PGBD1: variants seen among roughly 807,000 people sequenced by gnomAD.
The protein encoded by PGBD1 is piggyBac transposable element derived 1.
In PGBD1, 25 loss-of-function variants were observed where a neutral mutation model predicts 34.7. The observed-to-expected ratio is 0.72, with a 90% CI of 0.52 to 1.00. The LOEUF is 1.00. Among genes scored for constraint, PGBD1 ranks in the 50% least tolerant of loss-of-function variants. The pLI is 0.00. For missense variants in PGBD1, 830 were observed against 959.4 expected (o/e 0.87, Z 1.78); for synonymous variants, 292 against 335.7 (o/e 0.87, Z 1.42).
intron 3 of PGBD1, 105 bp from the exon 4 acceptor site, chr6:28,286,970 TCTTGA>T: frequency 1.3e-6 from 1 of 796,304 alleles, no homozygotes; most frequent in Non-Finnish European, 2.2e-6. Flanking sequence ...ACGTCTTAGT[TCTTGA>T]ATGTTTAACA....
intron 6 of PGBD1, 83 bp downstream of exon 6, chr6:28,298,074 G>A (rs1762715098): frequency 4.3e-6 from 4 of 935,112 alleles, no homozygotes; most frequent in Non-Finnish European, 6.8e-6. Context: ...TTGGTCAAAG[G>A]CCTGCTTCTC....
chr6:28,302,001 A>G lies in PGBD1; in HGVS notation c.2147A>G (p.Asp716Gly), dbSNP rs1209905206. The G allele has an allele frequency of 6.2e-7, 1 of 1,614,212 alleles. No homozygotes were observed. ...PVNEVSCCDADNEEIPQISQP... is the reference protein window; with the variant it reads ...PVNEVSCCDAGNEEIPQISQP... ...AATGAGGTAAGCTGTTGTGATGCTG[A>G]TAACGAAGAAATCCCTCAGATAAGT... The change falls in exon 7 of 7, where the codon GAT becomes GGT. Residue 716 changes from aspartate to glycine, a missense_variant. Transcript: ENST00000682144.
At chr6:28,289,796 A>G (rs1561887161) in intron 4 of PGBD1, among the ~76,000 whole-genome samples, 1 of 152,156 alleles carries the variant, frequency 6.6e-6, no homozygotes, top group Admixed American at 6.5e-5. Flanking sequence ...ACAAACAATA[A>G]TGGCTAGCAA....
chr6:28,300,948 T>C lies in PGBD1; in HGVS notation c.1094T>C (p.Val365Ala). 7 of 1,614,074 alleles carry C rather than the reference T, an allele frequency of 4.3e-6. No individual in the cohort carries two copies. Among genetic ancestry groups the C allele is most frequent in the Non-Finnish European group, 5.9e-6 (7 of 1,180,030 alleles). ...QGLSFSGDSDVEKDNEPEIQP... is the reference protein window; with the variant it reads ...QGLSFSGDSDAEKDNEPEIQP... ...CTCTCATTCTCTGGTGACTCAGATG[T>C]GGAAAAAGATAATGAGCCTGAGATC... The change falls in exon 7 of 7, where the codon GTG (valine) becomes GCG (alanine). Residue 365 changes from valine (V) to alanine (A), a missense_variant. Physicochemically the swap from Val to Ala is moderately conservative, Grantham distance 64. Transcript: ENST00000682144. The surrounding 1 kb of genome is among the most constrained non-coding windows in gnomAD (Gnocchi z 4.0).
intron 2 of PGBD1, among the ~76,000 whole-genome samples, chr6:28,284,981 GTGATTCAGGATACA>G (rs1456481325): frequency 1.3e-5 from 2 of 152,148 alleles, no homozygotes; most frequent in African/African-American, 2.4e-5. Flanking sequence ...TAATTTTCCT[GTGATTCAGGATACA>G]AGCCAGCATC....
intron 6 of PGBD1, among the ~76,000 whole-genome samples, chr6:28,299,124 T>G (rs76177544): frequency 6.6e-6 from 1 of 152,300 alleles, no homozygotes; most frequent in African/African-American, 2.4e-5. Context: ...GTTCAGTAAC[T>G]TAGAGCAGAG....
intron 2 of PGBD1, 127 bp from the exon 3 acceptor site, chr6:28,285,424 G>A: frequency 1.0e-6 from 1 of 989,932 alleles, no homozygotes; most frequent in South Asian, 2.1e-5. Context: ...GTTTTTCTGG[G>A]CTGGGATCCT....
At chr6:28,298,467 T>C (rs1208323507) in intron 6 of PGBD1, among the ~76,000 whole-genome samples, 1 of 152,118 alleles carries the variant, frequency 6.6e-6, no homozygotes, top group African/African-American at 2.4e-5. Context: ...TCAAAGGAAA[T>C]GCTCATTGGA....
Position 28,301,703 on chromosome 6 carries a change from A to C in PGBD1, c.1849A>C (p.Arg617=), listed in dbSNP as rs761668605. The change falls in exon 7 of 7, where the codon AGA becomes CGA. Residue 617 remains arginine, a synonymous_variant. Coordinates refer to ENST00000682144, the MANE Select transcript of PGBD1 (RefSeq NM_032507.4). ...VMNFADVLLE[R]GQYPYHLCFD... ...GAACTTCGCTGATGTTCTTTTAGAGAGAGGTCAGTATCCCTATCACCTGTG... is the reference window on the plus strand; with the variant it reads ...GAACTTCGCTGATGTTCTTTTAGAGCGAGGTCAGTATCCCTATCACCTGTG... 3.1e-6 allele frequency: 5 copies of C among 1,614,142 alleles called. No individual in the cohort carries two copies. The East Asian group carries it at 1.1e-4, about 36-fold the overall frequency.
At position 28,301,525 on chromosome 6, in the gene PGBD1, A is replaced by G. The variant is rs760994689; in HGVS notation, c.1671A>G (p.Gln557=). 5.0e-6 allele frequency: 8 copies of G among 1,614,178 alleles called. No homozygotes were observed. The highest frequency in any genetic ancestry group is 4.5e-5 in the East Asian group (2 of 44,878). Residue 557 remains glutamine (Q), a synonymous_variant, in exon 7 of 7, where the codon CAA becomes CAG. Coordinates refer to ENST00000682144, the MANE Select transcript of PGBD1 (RefSeq NM_032507.4). ...TGTGTGAATGCTTTGATAGTGACCA[A>G]TTCCTGAATGGAAAGCCTATTAGAA... ...KSMCECFDSD[Q]FLNGKPIRIG...
At chr6:28,285,818 C>T in intron 3 of PGBD1, 111 bp downstream of exon 3, 5 of 1,132,664 alleles carry the variant, frequency 4.4e-6, no homozygotes, top group Non-Finnish European at 4.9e-6. Context: ...CACAAGCTAA[C>T]TTACATATCT....
Position 28,301,047 on chromosome 6 carries a change from A to G in PGBD1, c.1193A>G (p.Asn398Ser), listed in dbSNP as rs33932084. Reference protein sequence around the residue: ...KSWTKRDIKPNFPSWSALDSG... With the variant: ...KSWTKRDIKPSFPSWSALDSG... ...TGGACCAAAAGAGACATTAAACCCA[A>G]TTTTCCAAGCTGGTCAGCACTGGAT... The change falls in exon 7 of 7, where the codon AAT becomes AGT. Residue 398 changes from asparagine (N) to serine (S), a missense_variant. This residue lies in a region of PGBD1 where 457 missense variants were observed against 515.4 expected (regional missense o/e 0.89). Transcript: ENST00000682144. 136,516 of 1,614,110 alleles carry G rather than the reference A, an allele frequency of 0.085. 7,298 individuals carry two copies. The highest frequency in any genetic ancestry group is 0.11 in the Non-Finnish European group (124,065 of 1,180,008).
chr6:28,281,603 C>T lies in PGBD1; in HGVS notation c.-354C>T. The T allele has an allele frequency of 5.2e-6, 2 of 383,352 alleles. No individual in the cohort carries two copies. Among genetic ancestry groups the T allele is most frequent in the Non-Finnish European group, 9.2e-6 (2 of 216,932 alleles). 23.7% of individuals were successfully genotyped at this position (383,352 alleles called of 1,614,324 possible). ...GCCCAGCTGCTGGAGGCGCCGGCAG[C>T]GCCCGCCAGACCCGCCAGCCCAGCG... On this transcript the variant is annotated 5_prime_UTR_variant, in exon 1 of 7. Transcript: ENST00000682144.
rs542116014 is a variant in PGBD1 at position 28,300,648 on chromosome 6, A to T, written c.870-76A>T. 20 of 1,395,380 alleles carry T rather than the reference A, an allele frequency of 1.4e-5. No homozygotes were observed. Among genetic ancestry groups the T allele is most frequent in the East Asian group, 2.3e-5 (1 of 42,758 alleles). The allele number at this position is 1,395,380 out of a possible 1,614,324, so 86.4% of individuals were successfully genotyped here. A position where few individuals can be genotyped will look rare whatever the true frequency, so the allele number is the denominator to read the frequency against. ...ACCCACCCCAAGCCCCAAAAGATTT[A>T]AGCTTCAGCAGATTTATCATGTGTG... On this transcript the variant is annotated intron_variant, in intron 6 of 6. Transcript: ENST00000682144. This position sits in a 1 kb window ranked among gnomAD's most constrained non-coding sequence, Gnocchi z 4.0.
Position 28,302,058 on chromosome 6 carries a change from G to T in PGBD1, c.2204G>T (p.Cys735Phe). The T allele has an allele frequency of 6.2e-7, 1 of 1,614,138 alleles. No homozygotes were observed. The highest frequency in any genetic ancestry group is 8.5e-7 in the Non-Finnish European group (1 of 1,180,020). The change falls in exon 7 of 7, where the codon TGC (cysteine) becomes TTC (phenylalanine). Residue 735 changes from cysteine to phenylalanine, a missense_variant. Physicochemically the swap from Cys to Phe is radical, Grantham distance 205. Transcript: ENST00000682144. ...QPSIVKVYDE[C>F]KEGVAKMDQI... Reference sequence around the variant, plus strand: ...TCCATAGTAAAAGTGTATGATGAATGCAAGGAAGGTGTAGCTAAAATGGAT... The same window carrying T: ...TCCATAGTAAAAGTGTATGATGAATTCAAGGAAGGTGTAGCTAAAATGGAT...
intron 2 of PGBD1, 136 bp downstream of exon 2, chr6:28,284,345 C>A: frequency 9.5e-7 from 1 of 1,053,564 alleles, no homozygotes; most frequent in Non-Finnish European, 1.3e-6. Context: ...TAAAACTCTT[C>A]ATCCAAATTT....
intron 4 of PGBD1, 80 bp downstream of exon 4, chr6:28,287,248 C>A: frequency 1.6e-6 from 2 of 1,245,312 alleles, no homozygotes; most frequent in Non-Finnish European, 2.4e-6. Flanking sequence ...CTTCTCTTGG[C>A]TCACACTCAT....
At position 28,301,024 on chromosome 6, in the gene PGBD1, G is replaced by C. The variant is rs143874020; in HGVS notation, c.1170G>C (p.Trp390Cys). The C allele has an allele frequency of 1.3e-5, 21 of 1,614,020 alleles. No individual in the cohort carries two copies. The highest frequency in any genetic ancestry group is 1.7e-5 in the Non-Finnish European group (20 of 1,180,044). ...LKVSCFPEKSWTKRDIKPNFP... is the reference protein window; with the variant it reads ...LKVSCFPEKSCTKRDIKPNFP... ...TATCATGTTTCCCAGAAAAGAGTTGGACCAAAAGAGACATTAAACCCAATT... is the reference window on the plus strand; with the variant it reads ...TATCATGTTTCCCAGAAAAGAGTTGCACCAAAAGAGACATTAAACCCAATT... Residue 390 changes from tryptophan (W) to cysteine (C), a missense_variant, in exon 7 of 7, where the codon TGG (tryptophan) becomes TGC (cysteine). Physicochemically the swap from Trp to Cys is radical, Grantham distance 215. Coordinates refer to ENST00000682144, the MANE Select transcript of PGBD1 (RefSeq NM_032507.4).
Position 28,302,266 on chromosome 6 carries a change from T to C in PGBD1, c.2412T>C (p.Asn804=). Residue 804 remains asparagine, a synonymous_variant, in exon 7 of 7, where the codon AAT becomes AAC. Coordinates refer to ENST00000682144, the MANE Select transcript of PGBD1 (RefSeq NM_032507.4). ...TTGCACATTTCTACTTGGAACACAATGCTCATCTGTCAGATTAGGGTACAT... is the reference window on the plus strand; with the variant it reads ...TTGCACATTTCTACTTGGAACACAACGCTCATCTGTCAGATTAGGGTACAT... ...RFVAHFYLEH[N]AHLSD is the part of the protein sequence containing the mutation. 1 of 1,612,524 alleles carries C rather than the reference T, an allele frequency of 6.2e-7. No individual in the cohort carries two copies. The highest frequency in any genetic ancestry group is 8.5e-7 in the Non-Finnish European group (1 of 1,178,692).
Sources: allele counts gnomAD v4.1 joint callset (sites outside exome capture counted in the v4.1 genomes callset), GRCh38; gene constraint gnomAD v4.1.1; regional missense constraint gnomAD v4.1.1; non-coding constraint Gnocchi (gnomAD v3.1); transcripts MANE v1.5; gene names NCBI Gene and HGNC (gene_info 2026-07-23, HGNC 2026-07-21).